The following ARFGEF1 variants were observed in gnomAD, a reference collection of about 807,000 sequenced individuals.
The protein encoded by ARFGEF1 is ARF guanine nucleotide exchange factor 1.
In ARFGEF1, 42 loss-of-function variants were observed where a neutral mutation model predicts 231.0. That is an observed-to-expected ratio of 0.18 (90% CI 0.14 to 0.24). The LOEUF (loss-of-function observed/expected upper bound fraction) is 0.24, where lower values mean the gene tolerates loss of function less well. Ranked by LOEUF, ARFGEF1 falls within the 10% of genes least tolerant of loss-of-function variation. ARFGEF1 has a pLI of 1.00. For missense variants in ARFGEF1, 1,345 were observed against 2,192.0 expected (o/e 0.61, Z 7.72); for synonymous variants, 710 against 732.3 (o/e 0.97, Z 0.49).
At position 67,198,778 on chromosome 8, in the gene ARFGEF1, G is replaced by A; in HGVS notation, c.*156C>T. 1.4e-6 allele frequency: 2 copies of A among 1,431,742 alleles called. No homozygotes were observed. The highest frequency in any genetic ancestry group is 1.8e-6 in the Non-Finnish European group (2 of 1,097,388). 88.7% of individuals were successfully genotyped at this position (1,431,742 alleles called of 1,614,324 possible). A position where few individuals can be genotyped will look rare whatever the true frequency, so the allele number is the denominator to read the frequency against. ...AAATCCACCAGCACTAAAAGGGACT[G>A]GAGTGTTGCAAGTTTGAGTAAGACT... On this transcript the variant is annotated 3_prime_UTR_variant, in exon 39 of 39. Coordinates refer to ENST00000262215, the MANE Select transcript of ARFGEF1 (RefSeq NM_006421.5).
At position 67,296,595 on chromosome 8, in the gene ARFGEF1, C is replaced by T. The variant is rs760401084; in HGVS notation, c.475G>A (p.Val159Ile). Reference protein sequence around the residue: ...LQIIKALLTAVTSQHIEIHEG... With the variant: ...LQIIKALLTAITSQHIEIHEG... ...TGAATTTCTATGTGTTGTGATGTTACTGCAGTAAGTAAAGCCTTTAAGAAA... is the reference window on the plus strand; with the variant it reads ...TGAATTTCTATGTGTTGTGATGTTATTGCAGTAAGTAAAGCCTTTAAGAAA... The change falls in exon 5 of 39, where the codon GTA becomes ATA. Residue 159 changes from valine to isoleucine, a missense_variant. This residue lies in a region of ARFGEF1 where 398 missense variants were observed against 463.2 expected (regional missense o/e 0.86). Transcript: ENST00000262215. 1.7e-5 allele frequency: 28 copies of T among 1,606,200 alleles called. No individual in the cohort carries two copies. In the South Asian group the frequency reaches 2.7e-4, roughly 15 times the overall value.
In ARFGEF1 at chr8:67,311,125, C is replaced by T. The variant is rs531829618; in HGVS notation, c.125-8659G>A. On this transcript the variant is annotated intron_variant, in intron 1 of 38. Coordinates refer to ENST00000262215, the MANE Select transcript of ARFGEF1 (RefSeq NM_006421.5). ...GGGAGGGAGGTGGGGGGGTCAGCCC[C>T]GCGACCGGCCAGCTGCCCCGTCTGG... Among the ~76,000 whole-genome samples the T allele has an allele frequency of 1.8e-3, 269 of 148,842 alleles. 1 individual carries two copies. The highest frequency in any genetic ancestry group is 6.2e-3 in the African/African-American group (251 of 40,350).
chr8:67,208,475 CA>C (rs1422145855), intron 34 of ARFGEF1, among the ~76,000 whole-genome samples: 2 of 151,640 alleles, frequency 1.3e-5, no homozygotes, highest in African/African-American at 4.8e-5. Context: ...ACTAAAAATC[CA>C]AAAATTAGCC....
chr8:67,297,529 G>A (rs995012991), intron 4 of ARFGEF1, among the ~76,000 whole-genome samples: 2 of 152,186 alleles, frequency 1.3e-5, no homozygotes, highest in African/African-American at 4.8e-5. Flanking sequence ...CCAGTGAGCT[G>A]TGATCATGCC....
At chr8:67,242,241 T>A (rs1426818421) in intron 19 of ARFGEF1, among the ~76,000 whole-genome samples, 1 of 152,136 alleles carries the variant, frequency 6.6e-6, no homozygotes, top group Non-Finnish European at 1.5e-5. Context: ...CTAGAGTGGC[T>A]AAGGGAGTGC....
intron 14 of ARFGEF1, among the ~76,000 whole-genome samples, chr8:67,261,583 C>T (rs894085302): frequency 7.2e-5 from 11 of 152,328 alleles, no homozygotes; most frequent in Admixed American, 6.5e-5. Context: ...ACCTGATCAC[C>T]TTAGAGCTCT....
In ARFGEF1 at chr8:67,343,560, G is replaced by A; in HGVS notation, c.-273C>T. Reference sequence around the variant, plus strand: ...CCGCTTCTCCCGGCCCGGGGGTCGCGTCCCGGCCGCCCCTCTCACTCGTCC... The same window carrying A: ...CCGCTTCTCCCGGCCCGGGGGTCGCATCCCGGCCGCCCCTCTCACTCGTCC... On this transcript the variant is annotated 5_prime_UTR_variant, in exon 1 of 39. The change creates a new upstream start codon in the 5' untranslated region. Transcript: ENST00000262215. 8.9e-7 allele frequency: 1 copy of A among 1,123,198 alleles called. No individual in the cohort carries two copies. The highest frequency in any genetic ancestry group is 1.1e-6 in the Non-Finnish European group (1 of 917,788). The allele number at this position is 1,123,198 out of a possible 1,614,324, so 69.6% of individuals were successfully genotyped here.
At chr8:67,296,339 G>C in intron 5 of ARFGEF1, 92 bp downstream of exon 5, 1 of 1,128,536 alleles carries the variant, frequency 8.9e-7, no homozygotes, top group South Asian at 1.7e-5. Flanking sequence ...TTTTCTACAG[G>C]TACAAAGATT....
chr8:67,278,360 A>AC, intron 7 of ARFGEF1, among the ~76,000 whole-genome samples: 1 of 152,310 alleles, frequency 6.6e-6, no homozygotes, highest in African/African-American at 2.4e-5. Context: ...ATGAGGAACC[A>AC]CCAAAACACA....
chr8:67,278,455 CT>C (rs1805400743), intron 7 of ARFGEF1, among the ~76,000 whole-genome samples: 1 of 152,128 alleles, frequency 6.6e-6, no homozygotes, highest in African/African-American at 2.4e-5. Flanking sequence ...ATGTCTCCAA[CT>C]TTTGAGTGAC....
At chr8:67,337,915 T>C (rs1195615461) in intron 1 of ARFGEF1, among the ~76,000 whole-genome samples, 1 of 152,210 alleles carries the variant, frequency 6.6e-6, no homozygotes, top group African/African-American at 2.4e-5. Flanking sequence ...CTGGAACATA[T>C]GAGGAGTTCA....
chr8:67,334,561 T>C (rs1808257006), intron 1 of ARFGEF1, among the ~76,000 whole-genome samples: 1 of 152,218 alleles, frequency 6.6e-6, no homozygotes, highest in Admixed American at 6.5e-5. Context: ...GGCCCACCAA[T>C]TCCCTTCCCA....
chr8:67,250,726 A>G (rs1840257033), intron 19 of ARFGEF1, among the ~76,000 whole-genome samples: 1 of 152,234 alleles, frequency 6.6e-6, no homozygotes, highest in Non-Finnish European at 1.5e-5. Flanking sequence ...CCACTTTGCT[A>G]CAACCCTTGT....
intron 1 of ARFGEF1, among the ~76,000 whole-genome samples, chr8:67,331,569 C>A (rs1808100225): frequency 6.6e-6 from 1 of 152,094 alleles, no homozygotes; most frequent in Non-Finnish European, 1.5e-5. Flanking sequence ...CCATAAGCCA[C>A]CCAGTTTACA....
At chr8:67,235,943 T>C (rs1773620307) in intron 22 of ARFGEF1, among the ~76,000 whole-genome samples, 1 of 151,956 alleles carries the variant, frequency 6.6e-6, no homozygotes, top group South Asian at 2.1e-4. Context: ...ATGATAAATA[T>C]ATACTCAACC....
intron 27 of ARFGEF1, among the ~76,000 whole-genome samples, chr8:67,226,389 A>G (rs992454417): frequency 6.6e-5 from 10 of 152,050 alleles, no homozygotes; most frequent in African/African-American, 2.2e-4. Context: ...TGTTTTGTTT[A>G]CATTATAAAC....
In ARFGEF1 at chr8:67,184,943, CAA is replaced by C. The variant is rs796384901; in HGVS notation, c.561-9373_561-9372del. On this transcript the variant is annotated intron_variant, in intron 5 of 5. Transcript: ENST00000518789. ...TGAAATCATGTCTCTACTAAAAATA[CAA>C]AAAAAAAAAAAAAAAAAAAAAGGTG... is the stretch of plus-strand genomic sequence containing the variant. Among the ~76,000 whole-genome samples the C allele has an allele frequency of 7.3e-3, 407 of 56,044 alleles. 5 individuals are homozygous for C. The highest frequency in any genetic ancestry group is 0.019 in the African/African-American group (391 of 20,306). The allele number at this position is 56,044 out of a possible 152,430, so 36.8% of individuals were successfully genotyped here.
intron 3 of ARFGEF1, among the ~76,000 whole-genome samples, chr8:67,300,240 T>C (rs1806417291): frequency 6.6e-6 from 1 of 152,216 alleles, no homozygotes; most frequent in Admixed American, 6.5e-5. Context: ...GATGAACTTA[T>C]CTTTAACCTA....
At position 67,184,736 on chromosome 8, in the gene ARFGEF1, TA is replaced by T. The variant is rs1289501293; in HGVS notation, c.561-9165del. Among the ~76,000 whole-genome samples, 517 of 128,484 alleles carry T rather than the reference TA, an allele frequency of 4.0e-3. 5 individuals carry two copies. Among genetic ancestry groups the T allele is most frequent in the East Asian group, 0.014 (66 of 4,666 alleles). 84.3% of individuals were successfully genotyped at this position (128,484 alleles called of 152,430 possible). On this transcript the variant is annotated intron_variant, in intron 5 of 5. Coordinates refer to the ARFGEF1 transcript ENST00000518789. Reference sequence around the variant, plus strand: ...GAGATTCTGTCTAAAAAAATAATAATAAAAAAATATAATAATAATAATAATA... The same window carrying T: ...GAGATTCTGTCTAAAAAAATAATAATAAAAAATATAATAATAATAATAATA...
Sources: gnomAD v4.1 joint callset for allele counts (sites outside exome capture counted in the v4.1 genomes callset) on GRCh38, gnomAD v4.1.1 for gene constraint, gnomAD v4.1.1 regional missense constraint, MANE v1.5 for transcripts, NCBI Gene and HGNC (gene_info 2026-07-23, HGNC 2026-07-21) for gene names.